The following CNTN4 variants were observed in gnomAD, a reference collection of about 807,000 sequenced individuals.
CNTN4 encodes the protein contactin 4, also known as contactin-4.
A neutral mutation model predicts 122.5 loss-of-function variants in CNTN4; 77 were observed. The observed-to-expected ratio is 0.63, with a 90% CI of 0.52 to 0.76. The LOEUF (loss-of-function observed/expected upper bound fraction) is 0.76. Ranked by LOEUF, CNTN4 falls within the 30% of genes least tolerant of loss-of-function variation. The pLI is 0.00. For synonymous variants in CNTN4, 512 were observed against 447.0 expected, an observed-to-expected ratio of 1.15 and a Z score of -1.83; for missense variants, 1,256 against 1,259.1, an observed-to-expected ratio of 1.00 and a Z score of 0.04.
intron 2 of CNTN4, among the ~76,000 whole-genome samples, chr3:2,323,176 C>T (rs2043329256): frequency 6.6e-6 from 1 of 152,118 alleles, no homozygotes; most frequent in Admixed American, 6.5e-5. Flanking sequence ...ATTTCATAGA[C>T]ATGCACCGCT....
Position 2,981,392 on chromosome 3 carries a change from C to A in CNTN4, c.1359-6953C>A, listed in dbSNP as rs149481247. On this transcript the variant is annotated intron_variant, in intron 13 of 24. Coordinates refer to ENST00000418658, the MANE Select transcript of CNTN4 (RefSeq NM_175607.3). ...CCAGGAGTTGGAGCTTGCAGTGAGC[C>A]GAGATCGCAGCACTGCACTCCAGCC... 2.5e-4 allele frequency among the ~76,000 whole-genome samples: 38 copies of A among 151,712 alleles called. 1 individual carries two copies. The highest frequency in any genetic ancestry group is 9.8e-4 in the Admixed American group (15 of 15,278).
chr3:2,414,645 A>G (rs2047348360), intron 3 of CNTN4, among the ~76,000 whole-genome samples: 2 of 152,098 alleles, frequency 1.3e-5, no homozygotes, highest in Admixed American at 6.5e-5. Flanking sequence ...CAAACCATTA[A>G]CTGTAGAAAA....
intron 2 of CNTN4, among the ~76,000 whole-genome samples, chr3:2,296,244 G>A (rs531981194): frequency 1.1e-3 from 167 of 152,182 alleles, no homozygotes; most frequent in African/African-American, 3.6e-3. Flanking sequence ...TGGGGATGGC[G>A]TTGAATCTAT....
intron 6 of CNTN4, among the ~76,000 whole-genome samples, chr3:2,755,038 A>C (rs1291655093): frequency 6.6e-6 from 1 of 152,180 alleles, no homozygotes; most frequent in Admixed American, 6.5e-5. Flanking sequence ...AAACTTTATT[A>C]AACTGAGAAT....
intron 4 of CNTN4, among the ~76,000 whole-genome samples, chr3:2,634,706 GT>G (rs1464198266): frequency 7.5e-6 from 1 of 134,034 alleles, no homozygotes; most frequent in Admixed American, 7.2e-5. Flanking sequence ...ATATATATAT[GT>G]TAGCTGGGCG....
chr3:2,964,355 A>C (rs1692082707), intron 13 of CNTN4, among the ~76,000 whole-genome samples: 1 of 152,174 alleles, frequency 6.6e-6, no homozygotes, highest in Admixed American at 6.5e-5. Flanking sequence ...ATGAATATCC[A>C]ATGTGAGTAA....
rs116271801 is a variant in CNTN4, at chr3:2,416,677, G to A, written c.-89+77444G>A. Among the ~76,000 whole-genome samples, 566 of 150,668 alleles carry A rather than the reference G, an allele frequency of 3.8e-3. 4 individuals are homozygous for A. The highest frequency in any genetic ancestry group is 0.014 in the African/African-American group (554 of 41,002). On this transcript the variant is annotated intron_variant, in intron 3 of 24. Coordinates refer to ENST00000418658, the MANE Select transcript of CNTN4 (RefSeq NM_175607.3). ...GTCGCAACTTTCTTTTTTTTAGGAC[G>A]GAGTCTCTGTCTGTCGCCCAGGCTG...
intron 2 of CNTN4, among the ~76,000 whole-genome samples, chr3:2,249,926 C>G (rs1369377498): frequency 6.6e-6 from 1 of 151,524 alleles, no homozygotes; most frequent in Non-Finnish European, 1.5e-5. Context: ...GAATACTTTT[C>G]ATTTCCTGCT....
At chr3:2,981,183 G>A (rs969362310) in intron 13 of CNTN4, among the ~76,000 whole-genome samples, 15 of 152,282 alleles carry the variant, frequency 9.9e-5, no homozygotes, top group Admixed American at 4.6e-4. Flanking sequence ...GGTGGCTCAC[G>A]CCTGTAGTAC....
chr3:2,519,222 C>G (rs1006992422), intron 3 of CNTN4, among the ~76,000 whole-genome samples: 13 of 152,202 alleles, frequency 8.5e-5, no homozygotes, highest in African/African-American at 3.1e-4. Context: ...ATCCTTTTGC[C>G]AAAGTGGCAT....
intron 3 of CNTN4, among the ~76,000 whole-genome samples, chr3:2,367,844 C>A (rs914884488): frequency 6.6e-6 from 1 of 151,938 alleles, no homozygotes; most frequent in Non-Finnish European, 1.5e-5. Context: ...CCCCTAACAA[C>A]GTTCGGACTA....
chr3:2,920,012 C>A (rs2151314830), intron 12 of CNTN4, among the ~76,000 whole-genome samples: 1 of 152,138 alleles, frequency 6.6e-6, no homozygotes, highest in South Asian at 2.1e-4. Context: ...CCTAATCCTA[C>A]TTGTTGGCAG....
At chr3:2,803,566 T>A (rs986116970) in intron 6 of CNTN4, among the ~76,000 whole-genome samples, 1 of 151,542 alleles carries the variant, frequency 6.6e-6, no homozygotes, top group East Asian at 1.9e-4. Flanking sequence ...TTCTTTTTTT[T>A]TTTTTTTGTT....
intron 2 of CNTN4, among the ~76,000 whole-genome samples, chr3:2,167,441 A>T (rs1276541090): frequency 6.6e-6 from 1 of 152,232 alleles, no homozygotes; most frequent in Non-Finnish European, 1.5e-5. Flanking sequence ...AAAATCCACC[A>T]TTAAACAAGG....
chr3:2,351,129 T>TC (rs2044596443), intron 3 of CNTN4, among the ~76,000 whole-genome samples: 2 of 152,148 alleles, frequency 1.3e-5, no homozygotes. Flanking sequence ...AAGGTCAGGG[T>TC]CTAAATATGT....
intron 3 of CNTN4, among the ~76,000 whole-genome samples, chr3:2,522,146 AGTTTGTGTGT>A (rs1289961758): frequency 0.024 from 3,227 of 134,466 alleles, 67 homozygotes; most frequent in African/African-American, 0.055. Context: ...CTGCCTAAGC[AGTTTGTGTGT>A]GTGTGTGTGT....
At chr3:2,653,610 C>T (rs1299424318) in intron 4 of CNTN4, among the ~76,000 whole-genome samples, 2 of 151,914 alleles carry the variant, frequency 1.3e-5, no homozygotes, top group Non-Finnish European at 2.9e-5. Flanking sequence ...GTCAGAAATA[C>T]TCTTCTTTCT....
intron 3 of CNTN4, among the ~76,000 whole-genome samples, chr3:2,505,808 T>C (rs1363412682): frequency 6.6e-6 from 1 of 152,226 alleles, no homozygotes; most frequent in Non-Finnish European, 1.5e-5. Flanking sequence ...AAATATCTAC[T>C]TAAAGAGAAA....
Position 2,509,541 on chromosome 3 carries a change from C to T in CNTN4, c.-88-61875C>T, listed in dbSNP as rs554928992. Reference sequence around the variant, plus strand: ...ATTAACTATTGGTAATAAATCTATTCGAGGGCATGGATCTGTTTTGGGGAT... The same window carrying T: ...ATTAACTATTGGTAATAAATCTATTTGAGGGCATGGATCTGTTTTGGGGAT... On this transcript the variant is annotated intron_variant, in intron 3 of 24. Coordinates refer to ENST00000418658, the MANE Select transcript of CNTN4 (RefSeq NM_175607.3). Among the ~76,000 whole-genome samples, 5 of 152,240 alleles carry T rather than the reference C, an allele frequency of 3.3e-5. No individual in the cohort carries two copies. In the East Asian group the frequency reaches 5.8e-4, roughly 18 times the overall value.
Sources: gnomAD v4.1 joint callset for allele counts (sites outside exome capture counted in the v4.1 genomes callset) on GRCh38, gnomAD v4.1.1 for gene constraint, MANE v1.5 for transcripts, NCBI Gene and HGNC (gene_info 2026-07-23, HGNC 2026-07-21) for gene names.